The following MARCHF1 variants were observed in gnomAD, a reference collection of about 807,000 sequenced individuals.
MARCHF1 encodes membrane associated ring-CH-type finger 1.
MARCHF1 carries 40 observed loss-of-function variants against 54.2 expected under a neutral mutation model. The observed-to-expected ratio is 0.74, with a 90% CI of 0.57 to 0.96. The LOEUF (loss-of-function observed/expected upper bound fraction) is 0.96. MARCHF1 is among the 40% of genes least tolerant of loss of function. The pLI is 0.00. For synonymous variants in MARCHF1, 236 were observed against 236.3 expected (o/e 1.00, Z 0.01); for missense variants, 586 against 656.5 (o/e 0.89, Z 1.17).
chr4:164,237,869 C>G (rs1222836486), intron 1 of MARCHF1, among the ~76,000 whole-genome samples: 1 of 151,832 alleles, frequency 6.6e-6, no homozygotes, highest in Non-Finnish European at 1.5e-5. Context: ...ATACAACCTA[C>G]TATCTGTATT....
intron 1 of MARCHF1, among the ~76,000 whole-genome samples, chr4:164,314,497 C>T (rs1234052317): frequency 6.6e-6 from 1 of 152,154 alleles, no homozygotes; most frequent in East Asian, 1.9e-4. Flanking sequence ...TTACAAATAT[C>T]ACCTTTACCA....
intron 2 of MARCHF1, among the ~76,000 whole-genome samples, chr4:164,059,367 T>C (rs1450270248): frequency 6.6e-6 from 1 of 152,180 alleles, no homozygotes; most frequent in Non-Finnish European, 1.5e-5. Context: ...TGCAATTCGG[T>C]AGAATGCTTC....
At chr4:163,686,364 G>A (rs548400191) in intron 5 of MARCHF1, among the ~76,000 whole-genome samples, 148 of 151,634 alleles carry the variant, frequency 9.8e-4, no homozygotes, top group African/African-American at 3.6e-3. Context: ...TCTTCATTGG[G>A]GTTCACATGG....
At position 164,197,146 on chromosome 4, in the gene MARCHF1, TCC is replaced by T. The variant is rs772909481; in HGVS notation, c.-322-85486_-322-85485del. 4 of 1,606,114 alleles carry T rather than the reference TCC, an allele frequency of 2.5e-6. No individual in the cohort carries two copies. In the Admixed American group the frequency reaches 5.0e-5, roughly 20 times the overall value. ...CTCCTCTTCACCTTCCTCCTCCTCC[TCC>T]TCGCCCTCCTCATCTTCCACTACCT... On this transcript the variant is annotated intron_variant, in intron 1 of 9. Coordinates refer to ENST00000514618, the MANE Select transcript of MARCHF1 (RefSeq NM_001394959.1).
intron 5 of MARCHF1, among the ~76,000 whole-genome samples, chr4:163,666,930 G>A (rs1743555026): frequency 6.6e-6 from 1 of 152,050 alleles, no homozygotes; most frequent in Non-Finnish European, 1.5e-5. Flanking sequence ...CTTTTTGAGA[G>A]AAGGGACCAT....
chr4:163,625,570 T>TA (rs1741841121), intron 5 of MARCHF1, among the ~76,000 whole-genome samples: 1 of 152,198 alleles, frequency 6.6e-6, no homozygotes, highest in Admixed American at 6.5e-5. Context: ...GCAGTAGAGA[T>TA]AGAGATGACA....
At chr4:164,106,531 C>T (rs377450012) in intron 2 of MARCHF1, among the ~76,000 whole-genome samples, 1 of 137,094 alleles carries the variant, frequency 7.3e-6, no homozygotes, top group East Asian at 2.1e-4. Context: ...AAACCAAACA[C>T]CGCATATTCT....
chr4:164,210,828 A>C (rs2111117074), intron 1 of MARCHF1, among the ~76,000 whole-genome samples: 1 of 152,266 alleles, frequency 6.6e-6, no homozygotes, highest in South Asian at 2.1e-4. Context: ...ATGGATAAAG[A>C]AAATGTGGCA....
At chr4:163,773,329 G>C (rs1188769364) in intron 4 of MARCHF1, among the ~76,000 whole-genome samples, 1 of 152,188 alleles carries the variant, frequency 6.6e-6, no homozygotes, top group African/African-American at 2.4e-5. Flanking sequence ...ATACCTGGAA[G>C]AGAAATGTGC....
intron 4 of MARCHF1, among the ~76,000 whole-genome samples, chr4:163,771,029 T>G (rs954282466): frequency 6.6e-6 from 1 of 152,232 alleles, no homozygotes; most frequent in Non-Finnish European, 1.5e-5. Context: ...TTCATAGCTA[T>G]TTTATGGATT....
intron 5 of MARCHF1, among the ~76,000 whole-genome samples, chr4:163,687,254 G>A (rs907023752): frequency 1.3e-4 from 20 of 149,166 alleles, no homozygotes; most frequent in East Asian, 5.9e-4. Flanking sequence ...TTGAGATGCC[G>A]TCTTGCTCTG....
At chr4:164,090,686 T>C (rs952616836) in intron 2 of MARCHF1, among the ~76,000 whole-genome samples, 1 of 152,062 alleles carries the variant, frequency 6.6e-6, no homozygotes, top group African/African-American at 2.4e-5. Flanking sequence ...ATTAACAGGA[T>C]AGGATTAAGA....
intron 1 of MARCHF1, among the ~76,000 whole-genome samples, chr4:164,350,584 T>A (rs183597642): frequency 1.3e-5 from 2 of 152,350 alleles, no homozygotes; most frequent in Admixed American, 1.3e-4. Context: ...ACACGCTATA[T>A]ACACGTATCA....
At chr4:163,812,906 T>C (rs939558709) in intron 4 of MARCHF1, among the ~76,000 whole-genome samples, 1 of 152,164 alleles carries the variant, frequency 6.6e-6, no homozygotes, top group Non-Finnish European at 1.5e-5. Flanking sequence ...CAACAGGGGA[T>C]AGGACAATGC....
chr4:164,061,699 T>TA (rs372864572), intron 2 of MARCHF1, among the ~76,000 whole-genome samples: 121 of 151,210 alleles, frequency 8.0e-4, no homozygotes, highest in Middle Eastern at 3.4e-3. Flanking sequence ...AAATAAAAAT[T>TA]AAAAAAAACA....
intron 4 of MARCHF1, among the ~76,000 whole-genome samples, chr4:163,737,160 C>CTTTTT (rs201243891): frequency 4.9e-5 from 2 of 41,018 alleles, no homozygotes; most frequent in African/African-American, 2.5e-4. Flanking sequence ...CAGCTTTTTT[C>CTTTTT]TTTCTTTTTT....
intron 4 of MARCHF1, among the ~76,000 whole-genome samples, chr4:163,773,971 TATGCTTTTTGTTAA>T (rs371339735): frequency 8.2e-4 from 125 of 152,328 alleles, no homozygotes; most frequent in African/African-American, 2.9e-3. Flanking sequence ...ATCTGTTTTT[TATGCTTTTTGTTAA>T]ATGCAGATTA....
chr4:164,207,515 A>G (rs1429389172), intron 1 of MARCHF1, among the ~76,000 whole-genome samples: 1 of 152,250 alleles, frequency 6.6e-6, no homozygotes, highest in Non-Finnish European at 1.5e-5. Flanking sequence ...AAAACATTAA[A>G]GAGAAACCAG....
chr4:163,549,196 G>T (rs1035004499), intron 8 of MARCHF1, among the ~76,000 whole-genome samples: 4 of 152,172 alleles, frequency 2.6e-5, no homozygotes, highest in South Asian at 2.1e-4. Context: ...GTAAATTCTT[G>T]AGCTCCGCTT....
Sources: allele counts gnomAD v4.1 joint callset (sites outside exome capture counted in the v4.1 genomes callset), GRCh38; gene constraint gnomAD v4.1.1; transcripts MANE v1.5; gene names NCBI Gene and HGNC (gene_info 2026-07-23, HGNC 2026-07-21).